The following ARHGAP24 variants were observed in gnomAD, a reference collection of about 807,000 sequenced individuals.
ARHGAP24 encodes the protein rho GTPase-activating protein 24.
In ARHGAP24, 50 loss-of-function variants were observed where a neutral mutation model predicts 76.4. The observed-to-expected ratio is 0.65, with a 90% CI of 0.52 to 0.83. The LOEUF (loss-of-function observed/expected upper bound fraction) is 0.83. Ranked by LOEUF, ARHGAP24 falls within the 40% of genes least tolerant of loss-of-function variation. The probability of loss-of-function intolerance (pLI) is 0.00; values close to 1 mark genes in which losing one functional copy is unlikely to be tolerated. For synonymous variants in ARHGAP24, 345 were observed against 323.3 expected (o/e 1.07, Z -0.72); for missense variants, 930 against 914.2 (o/e 1.02, Z -0.22).
chr4:85,530,675 G>C (rs982907709), intron 1 of ARHGAP24, among the ~76,000 whole-genome samples: 1 of 151,952 alleles, frequency 6.6e-6, no homozygotes, highest in Non-Finnish European at 1.5e-5. Flanking sequence ...TTTATAACCA[G>C]AAATTATGCC....
chr4:85,984,217 C>A (rs1739850521), intron 8 of ARHGAP24, among the ~76,000 whole-genome samples: 1 of 152,094 alleles, frequency 6.6e-6, no homozygotes, highest in Non-Finnish European at 1.5e-5. Flanking sequence ...GTCATTCCAC[C>A]AGAAAAAGAA....
intron 3 of ARHGAP24, among the ~76,000 whole-genome samples, chr4:85,742,806 A>G (rs1329134148): frequency 6.6e-6 from 1 of 152,236 alleles, no homozygotes; most frequent in African/African-American, 2.4e-5. Flanking sequence ...GGCAAAAACA[A>G]TTGCCTTAAA....
At chr4:85,788,519 G>C (rs895597110) in intron 3 of ARHGAP24, among the ~76,000 whole-genome samples, 4 of 152,150 alleles carry the variant, frequency 2.6e-5, no homozygotes, top group African/African-American at 9.7e-5. Context: ...GATTTGACCT[G>C]GTTAGGTCTT....
intron 3 of ARHGAP24, among the ~76,000 whole-genome samples, chr4:85,904,716 T>G (rs1486615557): frequency 6.6e-6 from 1 of 152,224 alleles, no homozygotes; most frequent in Non-Finnish European, 1.5e-5. Context: ...ATTTACACAA[T>G]TTTTGTGTGT....
intron 1 of ARHGAP24, among the ~76,000 whole-genome samples, chr4:85,487,140 G>T (rs1039666841): frequency 1.4e-5 from 2 of 138,058 alleles, no homozygotes; most frequent in Non-Finnish European, 1.5e-5. Context: ...TGGTTTGCTT[G>T]GTTGCTTGTG....
At chr4:85,601,247 T>C (rs1281348823) in intron 2 of ARHGAP24, among the ~76,000 whole-genome samples, 1 of 152,220 alleles carries the variant, frequency 6.6e-6, no homozygotes, top group Non-Finnish European at 1.5e-5. Flanking sequence ...AACTTAGAGT[T>C]CTTTCTGTAT....
At chr4:85,743,903 A>G (rs1057111229) in intron 3 of ARHGAP24, among the ~76,000 whole-genome samples, 4 of 152,254 alleles carry the variant, frequency 2.6e-5, no homozygotes, top group Admixed American at 1.3e-4. Flanking sequence ...ACACAGAAGT[A>G]TGGTATCAAG....
chr4:85,679,535 T>C (rs989385480), intron 2 of ARHGAP24, among the ~76,000 whole-genome samples: 2 of 152,226 alleles, frequency 1.3e-5, no homozygotes, highest in African/African-American at 2.4e-5. Context: ...ATAATGTCCC[T>C]GGTCTTACTG....
chr4:85,740,902 G>T (rs1441551076), intron 3 of ARHGAP24, among the ~76,000 whole-genome samples: 2 of 152,180 alleles, frequency 1.3e-5, no homozygotes, highest in Non-Finnish European at 2.9e-5. Context: ...TAAAAAAGCA[G>T]TAATGAAAGC....
chr4:85,933,671 C>T (rs1002284948), intron 4 of ARHGAP24, among the ~76,000 whole-genome samples: 1 of 152,140 alleles, frequency 6.6e-6, no homozygotes, highest in South Asian at 2.1e-4. Context: ...GATTTTGAAA[C>T]TACAATTTTT....
intron 2 of ARHGAP24, among the ~76,000 whole-genome samples, chr4:85,633,041 G>GT (rs1318107691): frequency 1.3e-5 from 2 of 151,724 alleles, no homozygotes; most frequent in African/African-American, 4.8e-5. Flanking sequence ...AGCACCTACT[G>GT]TTTTTAGCTC....
intron 4 of ARHGAP24, among the ~76,000 whole-genome samples, chr4:85,927,003 G>A (rs72976244): frequency 6.6e-6 from 1 of 151,948 alleles, no homozygotes; most frequent in African/African-American, 2.4e-5. Flanking sequence ...ACAATAATTA[G>A]AATTAATATA....
At position 85,577,436 on chromosome 4, in the gene ARHGAP24, G is replaced by T. The variant is rs1727425772; in HGVS notation, c.180+6715G>T. ...TATAAAATAGCGTATTGCCTAGAAGGATCAGATGGACCAGACATGGTAGTG... is the reference window on the plus strand; with the variant it reads ...TATAAAATAGCGTATTGCCTAGAAGTATCAGATGGACCAGACATGGTAGTG... On this transcript the variant is annotated intron_variant, in intron 2 of 9. Coordinates refer to ENST00000395184, the MANE Select transcript of ARHGAP24 (RefSeq NM_001025616.3). Among the ~76,000 whole-genome samples the T allele has an allele frequency of 2.0e-5, 3 of 152,150 alleles. No individual in the cohort carries two copies. The South Asian group carries it at 6.2e-4, about 32-fold the overall frequency.
intron 3 of ARHGAP24, among the ~76,000 whole-genome samples, chr4:85,917,361 C>T (rs565032542): frequency 4.6e-5 from 7 of 151,884 alleles, no homozygotes; most frequent in South Asian, 2.1e-4. Context: ...TGAATAGTGC[C>T]GCAATAAACA....
At chr4:85,870,901 A>G (rs1367289663) in intron 3 of ARHGAP24, among the ~76,000 whole-genome samples, 1 of 152,164 alleles carries the variant, frequency 6.6e-6, no homozygotes, top group African/African-American at 2.4e-5. Context: ...CTGTTTCATG[A>G]CTTTACTTCA....
intron 1 of ARHGAP24, among the ~76,000 whole-genome samples, chr4:85,485,376 A>AATATATATAT (rs56176066): frequency 1.8e-4 from 8 of 45,068 alleles, no homozygotes; most frequent in Non-Finnish European, 2.2e-4. Flanking sequence ...AAAAAAAAAA[A>AATATATATAT]ATATATATAT....
At chr4:85,860,996 G>GCACA in intron 3 of ARHGAP24, among the ~76,000 whole-genome samples, 1 of 140,176 alleles carries the variant, frequency 7.1e-6, no homozygotes, top group Middle Eastern at 3.7e-3. Flanking sequence ...TTCTGTGCAT[G>GCACA]CACGCACACA....
intron 7 of ARHGAP24, among the ~76,000 whole-genome samples, chr4:85,976,198 G>A (rs1444847795): frequency 2.6e-5 from 4 of 152,108 alleles, no homozygotes; most frequent in Admixed American, 6.6e-5. Context: ...TTTAATTTCC[G>A]GTAATTTAAA....
intron 2 of ARHGAP24, among the ~76,000 whole-genome samples, chr4:85,619,698 A>C (rs147699521): frequency 2.0e-5 from 3 of 151,976 alleles, no homozygotes; most frequent in East Asian, 3.9e-4. Flanking sequence ...TATTCCTAAG[A>C]ATTTTTTATG....
Sources: allele counts gnomAD v4.1 joint callset (sites outside exome capture counted in the v4.1 genomes callset), GRCh38; gene constraint gnomAD v4.1.1; transcripts MANE v1.5; gene names NCBI Gene and HGNC (gene_info 2026-07-23, HGNC 2026-07-21).